Variants in LRP1B observed in about 807,000 individuals in gnomAD.
LRP1B encodes the protein LDL receptor related protein 1B.
LRP1B carries 217 observed loss-of-function variants against 556.6 expected under a neutral mutation model. That is an observed-to-expected ratio of 0.39 (90% CI 0.35 to 0.44). The LOEUF is 0.44. Among genes scored for constraint, LRP1B ranks in the 20% least tolerant of loss-of-function variants. LRP1B has a pLI of 1.00. For synonymous variants in LRP1B, 2,047 were observed against 1,865.8 expected (o/e 1.10, Z -2.50); for missense variants, 5,053 against 5,620.8 (o/e 0.90, Z 3.23).
chr2:140,963,485 C>T (rs998607939), intron 18 of LRP1B, among the ~76,000 whole-genome samples: 12 of 152,010 alleles, frequency 7.9e-5, no homozygotes, highest in Non-Finnish European at 1.2e-4. Flanking sequence ...GATATTAATG[C>T]TGCTGAAGTC....
At chr2:141,007,526 G>C (rs111343187) in intron 14 of LRP1B, among the ~76,000 whole-genome samples, 4 of 151,616 alleles carry the variant, frequency 2.6e-5, no homozygotes, top group African/African-American at 9.7e-5. Context: ...AATGCTTTAA[G>C]CAGCTTCCAG....
At position 140,526,287 on chromosome 2, in the gene LRP1B, C is replaced by A. The variant is rs147420499; in HGVS notation, c.7826G>T (p.Arg2609Leu). ...ADGTCIPRSA[R>L]CNQNIDCADA... is the part of the protein sequence containing the mutation. ...TGCACAATCTATGTTCTGGTTGCAT[C>A]GTGCTGATCTTGGAATACAAGTCCC... Residue 2609 changes from arginine to leucine, a missense_variant, in exon 48 of 91, where the codon CGA becomes CTA. Transcript: ENST00000389484. The A allele has an allele frequency of 2.1e-5, 34 of 1,611,872 alleles. 1 individual carries two copies. Among genetic ancestry groups the A allele is most frequent in the Non-Finnish European group, 2.8e-5 (33 of 1,178,632 alleles).
At chr2:140,559,557 G>A (rs535717180) in intron 43 of LRP1B, among the ~76,000 whole-genome samples, 2 of 152,090 alleles carry the variant, frequency 1.3e-5, no homozygotes, top group Non-Finnish European at 2.9e-5. Flanking sequence ...TCCAGTGCCA[G>A]CCTGGAATAT....
In LRP1B at chr2:140,234,799, G is replaced by T. The variant is rs753670299; in HGVS notation, c.13646C>A (p.Pro4549Gln). 3.9e-6 allele frequency: 3 copies of T among 774,832 alleles called. No individual in the cohort carries two copies. In the South Asian group the frequency reaches 4.0e-5, roughly 10 times the overall value. 48.0% of individuals were successfully genotyped at this position (774,832 alleles called of 1,614,324 possible). A position where few individuals can be genotyped will look rare whatever the true frequency, so the allele number is the denominator to read the frequency against. ...PIYLNSDLKG[P>Q]LTAGPTNYSN... is the part of the protein sequence containing the mutation. ...TTCTTCTCTCACCCCAGCAGTTAGT[G>T]GTCCTTTCAAATCAGAGTTTAGGTA... Residue 4549 changes from proline (P) to glutamine (Q), a missense_variant, in exon 90 of 91, where the codon CCA (proline) becomes CAA (glutamine). This residue lies in a region of LRP1B where 551 missense variants were observed against 592.0 expected (regional missense o/e 0.93). Coordinates refer to ENST00000389484, the MANE Select transcript of LRP1B (RefSeq NM_018557.3).
chr2:141,212,140 A>T (rs5022755), intron 6 of LRP1B, among the ~76,000 whole-genome samples: 11 of 151,964 alleles, frequency 7.2e-5, no homozygotes, highest in African/African-American at 9.7e-5. Flanking sequence ...AGATGTGCTT[A>T]GAATTCTTCA....
intron 5 of LRP1B, among the ~76,000 whole-genome samples, chr2:141,240,719 G>T (rs983605851): frequency 2.0e-5 from 3 of 151,970 alleles, no homozygotes; most frequent in African/African-American, 7.2e-5. Flanking sequence ...TATCTGTTGT[G>T]CCATTTATAA....
chr2:141,629,404 C>T (rs976565013), intron 2 of LRP1B, among the ~76,000 whole-genome samples: 3 of 152,158 alleles, frequency 2.0e-5, no homozygotes, highest in Non-Finnish European at 2.9e-5. Context: ...TTCTTTATAA[C>T]ACGTCAAATG....
intron 1 of LRP1B, among the ~76,000 whole-genome samples, chr2:141,976,298 A>T (rs1701884708): frequency 6.6e-6 from 1 of 152,186 alleles, no homozygotes; most frequent in Non-Finnish European, 1.5e-5. Context: ...TCAGAAAAAA[A>T]ATTAAATGTT....
At chr2:140,592,721 T>C (rs1259647047) in intron 43 of LRP1B, among the ~76,000 whole-genome samples, 1 of 152,170 alleles carries the variant, frequency 6.6e-6, no homozygotes, top group African/African-American at 2.4e-5. Context: ...TTGATTTATT[T>C]ATGGAATAAA....
chr2:140,278,478 C>T (rs1682780085), intron 84 of LRP1B, among the ~76,000 whole-genome samples: 1 of 151,922 alleles, frequency 6.6e-6, no homozygotes, highest in African/African-American at 2.4e-5. Flanking sequence ...TTTGTAGGGA[C>T]AACTTTTAAA....
intron 83 of LRP1B, among the ~76,000 whole-genome samples, chr2:140,300,791 G>A (rs1359977235): frequency 2.0e-5 from 3 of 152,086 alleles, no homozygotes; most frequent in African/African-American, 7.2e-5. Context: ...AGTTGTTTGG[G>A]AGAATCATGT....
chr2:140,821,737 T>C (rs748446740), intron 31 of LRP1B, among the ~76,000 whole-genome samples: 19 of 152,154 alleles, frequency 1.2e-4, no homozygotes, highest in Non-Finnish European at 2.2e-4. Flanking sequence ...TGGGATTACA[T>C]TGAAAATAAA....
chr2:140,479,150 A>C (rs749962717), intron 59 of LRP1B, among the ~76,000 whole-genome samples: 1 of 152,064 alleles, frequency 6.6e-6, no homozygotes, highest in Non-Finnish European at 1.5e-5. Context: ...TTTGTCTCTC[A>C]ATAAGTGGTA....
chr2:140,592,707 T>A (rs866180152), intron 43 of LRP1B, among the ~76,000 whole-genome samples: 5 of 152,300 alleles, frequency 3.3e-5, no homozygotes, highest in Middle Eastern at 6.8e-3. Flanking sequence ...GATAAGTTGA[T>A]GCCTTGATTT....
intron 4 of LRP1B, among the ~76,000 whole-genome samples, chr2:141,252,964 G>A (rs372336025): frequency 5.3e-5 from 8 of 152,250 alleles, no homozygotes; most frequent in African/African-American, 1.9e-4. Context: ...TGTTGTGTTT[G>A]TTTTTACGTG....
At chr2:140,430,364 C>T (rs555902776) in intron 66 of LRP1B, among the ~76,000 whole-genome samples, 2 of 152,264 alleles carry the variant, frequency 1.3e-5, no homozygotes, top group East Asian at 3.9e-4. Flanking sequence ...CTGAAAGAGG[C>T]TTCCTCACTA....
intron 43 of LRP1B, among the ~76,000 whole-genome samples, chr2:140,588,088 C>T (rs1263990399): frequency 2.6e-5 from 4 of 151,928 alleles, no homozygotes; most frequent in South Asian, 2.1e-4. Flanking sequence ...AAGGAATTTT[C>T]GAAAGCAATA....
At chr2:141,304,859 G>A (rs560853385) in intron 3 of LRP1B, among the ~76,000 whole-genome samples, 1 of 152,116 alleles carries the variant, frequency 6.6e-6, no homozygotes, top group South Asian at 2.1e-4. Context: ...ATTCAAAAGG[G>A]TATCTTTCCT....
chr2:140,473,845 T>G (rs1687863087), intron 60 of LRP1B, among the ~76,000 whole-genome samples: 1 of 151,930 alleles, frequency 6.6e-6, no homozygotes, highest in Admixed American at 6.6e-5. Context: ...AACTTTCAAC[T>G]ATGCAACCCA....
Sources: gnomAD v4.1 joint callset for allele counts (sites outside exome capture counted in the v4.1 genomes callset) on GRCh38, gnomAD v4.1.1 for gene constraint, gnomAD v4.1.1 regional missense constraint, MANE v1.5 for transcripts, NCBI Gene and HGNC (gene_info 2026-07-23, HGNC 2026-07-21) for gene names.